ACER3: variants seen among roughly 807,000 people sequenced by gnomAD.
ACER3 encodes alkCDase 3.
ACER3 carries 16 observed loss-of-function variants against 48.9 expected under a neutral mutation model. That is an observed-to-expected ratio of 0.33 (90% CI 0.22 to 0.50). The LOEUF (loss-of-function observed/expected upper bound fraction) is 0.50. Among genes scored for constraint, ACER3 ranks in the 20% least tolerant of loss-of-function variants. The pLI, the probability that ACER3 is intolerant of heterozygous loss-of-function variation, is 0.98. For synonymous variants in ACER3, 109 were observed against 107.8 expected (o/e 1.01, Z -0.07); for missense variants, 227 against 326.0 (o/e 0.70, Z 2.34).
intron 3 of ACER3, among the ~76,000 whole-genome samples, chr11:76,963,208 G>A (rs1948045446): frequency 6.6e-6 from 1 of 151,318 alleles, no homozygotes; most frequent in African/African-American, 2.5e-5. Flanking sequence ...AACTTGCAGA[G>A]GGAGGAGGGG....
chr11:76,985,231 G>A (rs1565213997), intron 4 of ACER3, among the ~76,000 whole-genome samples: 1 of 152,126 alleles, frequency 6.6e-6, no homozygotes, highest in African/African-American at 2.4e-5. Flanking sequence ...AGCCTCCCGA[G>A]TAGCTGGGAC....
chr11:76,865,824 T>C (rs542474475), intron 1 of ACER3, among the ~76,000 whole-genome samples: 11 of 150,228 alleles, frequency 7.3e-5, no homozygotes, highest in African/African-American at 2.2e-4. Flanking sequence ...TTTTTTTTTT[T>C]TTTCTTTTTT....
At chr11:77,007,672 C>A (rs567479184) in intron 7 of ACER3, among the ~76,000 whole-genome samples, 1 of 152,202 alleles carries the variant, frequency 6.6e-6, no homozygotes, top group Non-Finnish European at 1.5e-5. Context: ...ATCATTGCCA[C>A]GGGAAGATAG....
chr11:76,903,799 G>A (rs1946145837), intron 1 of ACER3, among the ~76,000 whole-genome samples: 1 of 152,068 alleles, frequency 6.6e-6, no homozygotes, highest in South Asian at 2.1e-4. Flanking sequence ...CACCTCTTAT[G>A]GGGAAAATTT....
intron 1 of ACER3, among the ~76,000 whole-genome samples, chr11:76,875,107 CTTTTTT>C (rs10676364): frequency 2.2e-4 from 17 of 78,098 alleles, no homozygotes; most frequent in African/African-American, 4.7e-4. Flanking sequence ...AAAAGCACTT[CTTTTTT>C]TTTTTTTTTT....
At chr11:76,909,259 A>G (rs1037604299) in intron 1 of ACER3, among the ~76,000 whole-genome samples, 1 of 152,232 alleles carries the variant, frequency 6.6e-6, no homozygotes, top group African/African-American at 2.4e-5. Flanking sequence ...AACAAAAGCC[A>G]AAATTGACAA....
intron 5 of ACER3, 66 bp downstream of exon 5, chr11:76,985,790 T>C (rs1330189873): frequency 3.1e-6 from 3 of 963,108 alleles, no homozygotes; most frequent in Non-Finnish European, 3.0e-6. Flanking sequence ...TTTGACATAT[T>C]TTACTTCCAG....
At chr11:76,988,694 A>C (rs543263699) in intron 5 of ACER3, among the ~76,000 whole-genome samples, 1 of 152,372 alleles carries the variant, frequency 6.6e-6, no homozygotes, top group South Asian at 2.1e-4. Flanking sequence ...CAACCAAACC[A>C]TATCAACTAC....
chr11:76,876,305 C>T (rs1945379571), intron 1 of ACER3, among the ~76,000 whole-genome samples: 1 of 151,288 alleles, frequency 6.6e-6, no homozygotes, highest in Non-Finnish European at 1.5e-5. Flanking sequence ...ATTAGGTTTG[C>T]CTGTTCTAGA....
intron 4 of ACER3, among the ~76,000 whole-genome samples, chr11:76,976,583 T>C (rs1045992747): frequency 7.9e-5 from 12 of 152,184 alleles, no homozygotes; most frequent in African/African-American, 2.9e-4. Context: ...TTAAATTCCA[T>C]AATTTTCCTT....
At chr11:76,871,028 GT>G (rs1945229554) in intron 1 of ACER3, among the ~76,000 whole-genome samples, 1 of 152,122 alleles carries the variant, frequency 6.6e-6, no homozygotes, top group African/African-American at 2.4e-5. Context: ...CTGTAGTCCT[GT>G]TTTAAAGATC....
At chr11:76,987,101 A>T (rs1456555105) in intron 5 of ACER3, among the ~76,000 whole-genome samples, 2 of 152,124 alleles carry the variant, frequency 1.3e-5, no homozygotes, top group Admixed American at 6.6e-5. Flanking sequence ...GGTAGTGTGG[A>T]GCCAATAACT....
intron 2 of ACER3, among the ~76,000 whole-genome samples, chr11:76,933,659 T>C (rs1464530069): frequency 6.6e-6 from 1 of 152,184 alleles, no homozygotes; most frequent in African/African-American, 2.4e-5. Context: ...CAGAGCAAAA[T>C]GAAAAGTCTC....
intron 1 of ACER3, among the ~76,000 whole-genome samples, chr11:76,918,041 G>A (rs908703786): frequency 6.6e-6 from 1 of 151,682 alleles, no homozygotes; most frequent in Non-Finnish European, 1.5e-5. Flanking sequence ...TGCCTTCTTT[G>A]TTCCTATCAC....
At chr11:76,963,962 TG>T (rs1440328887) in intron 3 of ACER3, among the ~76,000 whole-genome samples, 2 of 151,308 alleles carry the variant, frequency 1.3e-5, no homozygotes, top group East Asian at 1.9e-4. Flanking sequence ...TGCCGGACAT[TG>T]GGTGCAGGTC....
At chr11:76,959,219 C>G (rs776582624) in intron 3 of ACER3, 188 bp downstream of exon 3, 182 of 1,474,708 alleles carry the variant, frequency 1.2e-4, no homozygotes, top group Non-Finnish European at 1.6e-4. Flanking sequence ...ATAAGGAAAA[C>G]AAGTACAAAT....
chr11:76,980,459 TTGAG>T (rs1351485534), intron 4 of ACER3, among the ~76,000 whole-genome samples: 2 of 152,054 alleles, frequency 1.3e-5, no homozygotes, highest in African/African-American at 2.4e-5. Context: ...GGAGTATTAC[TTGAG>T]CCCAGGAGTT....
At chr11:77,019,467 A>T (rs1216710102) in intron 9 of ACER3, 6 of 353,892 alleles carry the variant, frequency 1.7e-5, no homozygotes, top group Non-Finnish European at 3.1e-5. Flanking sequence ...TCAAAAAAAA[A>T]GAATTATGCT....
chr11:77,006,625 TA>T (rs1252361645), intron 7 of ACER3, among the ~76,000 whole-genome samples: 1 of 152,188 alleles, frequency 6.6e-6, no homozygotes, highest in Non-Finnish European at 1.5e-5. Context: ...GGTTGACAAT[TA>T]TTTTTTTTCA....
Sources: gnomAD v4.1 joint callset for allele counts (sites outside exome capture counted in the v4.1 genomes callset) on GRCh38, gnomAD v4.1.1 for gene constraint, MANE v1.5 for transcripts, NCBI Gene and HGNC (gene_info 2026-07-23, HGNC 2026-07-21) for gene names.